The following SLC25A21 variants were observed in gnomAD, a reference collection of about 807,000 sequenced individuals.
SLC25A21 encodes solute carrier family 25 member 21.
A neutral mutation model predicts 43.8 loss-of-function variants in SLC25A21; 47 were observed. The ratio of observed to expected loss-of-function variants is 1.07; its 90% CI spans 0.85 to 1.37. SLC25A21 has a LOEUF of 1.37. Among genes scored for constraint, SLC25A21 ranks in the 40% most tolerant of loss-of-function variants. SLC25A21 has a pLI of 0.00. For synonymous variants in SLC25A21, 131 were observed against 121.3 expected (o/e 1.08, Z -0.52); for missense variants, 352 against 350.2 (o/e 1.00, Z -0.04).
At chr14:37,060,406 A>ATAC (rs1423360676) in intron 1 of SLC25A21, among the ~76,000 whole-genome samples, 173 of 147,598 alleles carry the variant, frequency 1.2e-3, no homozygotes, top group Non-Finnish European at 2.3e-3. Flanking sequence ...AATAATAATA[A>ATAC]TAATAATAAT....
chr14:37,058,058 C>T (rs1442118536), intron 1 of SLC25A21, among the ~76,000 whole-genome samples: 1 of 152,152 alleles, frequency 6.6e-6, no homozygotes, highest in Non-Finnish European at 1.5e-5. Context: ...TTCCCAGGCT[C>T]ACATCACAGT....
intron 1 of SLC25A21, among the ~76,000 whole-genome samples, chr14:37,114,347 T>A (rs1368103048): frequency 1.3e-5 from 2 of 152,180 alleles, no homozygotes. Context: ...TAGGACCAAT[T>A]TATTTGTACA....
At chr14:36,934,580 T>C (rs1163753171) in intron 1 of SLC25A21, among the ~76,000 whole-genome samples, 1 of 152,072 alleles carries the variant, frequency 6.6e-6, no homozygotes, top group African/African-American at 2.4e-5. Context: ...CTAGTTCCTA[T>C]GCCATTTCCA....
At chr14:36,904,692 G>C (rs192673684) in intron 1 of SLC25A21, among the ~76,000 whole-genome samples, 1 of 152,202 alleles carries the variant, frequency 6.6e-6, no homozygotes, top group Non-Finnish European at 1.5e-5. Flanking sequence ...AATGTGGCAA[G>C]AGAGAGTGTG....
At chr14:36,743,927 T>C (rs370986986) in intron 3 of SLC25A21, among the ~76,000 whole-genome samples, 1 of 152,102 alleles carries the variant, frequency 6.6e-6, no homozygotes, top group African/African-American at 2.4e-5. Context: ...TCATTTAAAA[T>C]AGCTACATAA....
intron 1 of SLC25A21, among the ~76,000 whole-genome samples, chr14:37,063,815 C>T (rs962142758): frequency 6.6e-6 from 1 of 152,130 alleles, no homozygotes; most frequent in Non-Finnish European, 1.5e-5. Context: ...AAGGAGCAGC[C>T]CATGTGTTGC....
chr14:36,928,616 T>C (rs1189193775), intron 1 of SLC25A21, among the ~76,000 whole-genome samples: 1 of 152,178 alleles, frequency 6.6e-6, no homozygotes, highest in Non-Finnish European at 1.5e-5. Context: ...TAGACTCTCA[T>C]TAATTCATAA....
intron 1 of SLC25A21, among the ~76,000 whole-genome samples, chr14:36,889,178 G>A (rs1278545547): frequency 6.6e-6 from 1 of 152,142 alleles, no homozygotes; most frequent in Non-Finnish European, 1.5e-5. Flanking sequence ...GGCTTGTGGG[G>A]GAAAAGAGGG....
chr14:36,897,919 C>T (rs1344562915), intron 1 of SLC25A21, among the ~76,000 whole-genome samples: 2 of 152,166 alleles, frequency 1.3e-5, no homozygotes, highest in African/African-American at 4.8e-5. Flanking sequence ...GAGTACCTGG[C>T]CGTGTGAGGT....
intron 1 of SLC25A21, among the ~76,000 whole-genome samples, chr14:37,065,537 C>T (rs181395752): frequency 1.4e-3 from 207 of 151,518 alleles, no homozygotes; most frequent in Middle Eastern, 6.9e-3. Flanking sequence ...TAAACTGTTT[C>T]CCCAAAGGGT....
intron 1 of SLC25A21, among the ~76,000 whole-genome samples, chr14:37,166,471 A>C (rs1369528503): frequency 2.0e-5 from 3 of 152,252 alleles, no homozygotes; most frequent in Non-Finnish European, 4.4e-5. Flanking sequence ...ATGTGCAACT[A>C]TGGCATGTTC....
chr14:36,900,906 C>G (rs1891381081), intron 1 of SLC25A21, among the ~76,000 whole-genome samples: 1 of 152,158 alleles, frequency 6.6e-6, no homozygotes, highest in Non-Finnish European at 1.5e-5. Flanking sequence ...ATAGAGGTAA[C>G]TTTGGCTGCA....
chr14:37,156,031 T>G (rs1026469915), intron 1 of SLC25A21, among the ~76,000 whole-genome samples: 1 of 151,812 alleles, frequency 6.6e-6, no homozygotes, highest in East Asian at 1.9e-4. Flanking sequence ...TGGTGGTGCA[T>G]GTCTGTAACC....
chr14:36,983,259 C>G (rs1320330439), intron 1 of SLC25A21, among the ~76,000 whole-genome samples: 1 of 152,172 alleles, frequency 6.6e-6, no homozygotes, highest in East Asian at 1.9e-4. Flanking sequence ...AGCACTGCTT[C>G]TTTCTTTCAC....
chr14:36,776,322 C>T (rs1886830944), intron 3 of SLC25A21, among the ~76,000 whole-genome samples: 1 of 143,102 alleles, frequency 7.0e-6, no homozygotes, highest in South Asian at 2.2e-4. Flanking sequence ...CTGCAAGCTC[C>T]GCCTCCCGGG....
chr14:36,901,680 G>A (rs1194623308), intron 1 of SLC25A21, among the ~76,000 whole-genome samples: 1 of 151,996 alleles, frequency 6.6e-6, no homozygotes, highest in Non-Finnish European at 1.5e-5. Flanking sequence ...ACAAATAACA[G>A]GGCATTTGCA....
intron 3 of SLC25A21, among the ~76,000 whole-genome samples, chr14:36,786,723 A>G (rs1887263835): frequency 6.6e-6 from 1 of 152,162 alleles, no homozygotes; most frequent in Admixed American, 6.5e-5. Context: ...CCCGCGTTGT[A>G]AAATGTCTTT....
intron 1 of SLC25A21, among the ~76,000 whole-genome samples, chr14:36,875,375 A>G (rs554493129): frequency 6.6e-6 from 1 of 152,314 alleles, no homozygotes; most frequent in South Asian, 2.1e-4. Flanking sequence ...AAGGAAGAGC[A>G]GGAGGCTCTT....
intron 4 of SLC25A21, among the ~76,000 whole-genome samples, chr14:36,734,185 C>T (rs912008369): frequency 3.3e-5 from 5 of 151,996 alleles, no homozygotes; most frequent in Non-Finnish European, 2.9e-5. Flanking sequence ...AATTGTTTCT[C>T]CAAAGAAAAA....
Sources: gnomAD v4.1 joint callset for allele counts (sites outside exome capture counted in the v4.1 genomes callset) on GRCh38, gnomAD v4.1.1 for gene constraint, MANE v1.5 for transcripts, NCBI Gene and HGNC (gene_info 2026-07-23, HGNC 2026-07-21) for gene names.